CACNA1C: variants seen among roughly 807,000 people sequenced by gnomAD.
CACNA1C encodes the protein calcium voltage-gated channel subunit alpha1 C.
Under a neutral mutation model 229.0 loss-of-function variants are expected in CACNA1C, and 30 were observed. The ratio of observed to expected loss-of-function variants is 0.13; its 90% confidence interval spans 0.10 to 0.18. CACNA1C has a LOEUF of 0.18. Ranked by LOEUF, CACNA1C falls within the 10% of genes least tolerant of loss-of-function variation. The probability of loss-of-function intolerance (pLI) is 1.00; values close to 1 mark genes in which losing one functional copy is unlikely to be tolerated. For synonymous variants in CACNA1C, 1,114 were observed against 1,132.5 expected (o/e 0.98, Z 0.33); for missense variants, 1,658 against 2,845.0 (o/e 0.58, Z 9.49).
intron 1 of CACNA1C, among the ~76,000 whole-genome samples, chr12:2,068,028 C>T (rs2060017306): frequency 6.6e-6 from 1 of 152,178 alleles, no homozygotes; most frequent in Non-Finnish European, 1.5e-5. Flanking sequence ...TCTTCATCCT[C>T]TCCCCTGTTG....
At chr12:2,641,758 A>C (rs1568998030) in intron 30 of CACNA1C, 2 of 702,452 alleles carry the variant, frequency 2.8e-6, no homozygotes, top group Admixed American at 4.0e-5. Flanking sequence ...ATTGTATCTC[A>C]GGTGAGCCTT....
rs1565501985 is a variant in CACNA1C at position 2,071,167 on chromosome 12, TCCC to T, written c.49+17557_49+17559del. On this transcript the variant is annotated intron_variant, in intron 1 of 46. Transcript: ENST00000399655. Reference sequence around the variant, plus strand: ...CTCCCTCCCTCCCTCCCTCCCTCCCTCCCTCCCTGCCTGCCTGCCTGCCTGCCT... The same window carrying T: ...CTCCCTCCCTCCCTCCCTCCCTCCCTTCCCTGCCTGCCTGCCTGCCTGCCT... Among the ~76,000 whole-genome samples, 23 of 70,316 alleles carry T rather than the reference TCCC, an allele frequency of 3.3e-4. 3 individuals are homozygous for T. Among genetic ancestry groups the T allele is most frequent in the African/African-American group, 1.1e-3 (18 of 16,328 alleles). The allele number at this position is 70,316 out of a possible 152,430, so 46.1% of individuals were successfully genotyped here.
intron 7 of CACNA1C, among the ~76,000 whole-genome samples, chr12:2,495,588 CG>C (rs1280706806): frequency 6.6e-6 from 1 of 152,218 alleles, no homozygotes; most frequent in Non-Finnish European, 1.5e-5. Context: ...TAATGACAGC[CG>C]GGGCGGGGAG....
intron 3 of CACNA1C, among the ~76,000 whole-genome samples, chr12:2,256,003 C>CCTGACCTGACTAGTTTACAATCACACGAT (rs2077437978): frequency 2.0e-3 from 5 of 2,542 alleles, no homozygotes; most frequent in Admixed American, 3.0e-3. Context: ...AATCACACGA[C>CCTGACCTGACTAGTTTACAATCACACGAT]CCTGACCTGA....
At position 2,181,861 on chromosome 12, in the gene CACNA1C, G is replaced by C. The variant is rs543680709; in HGVS notation, c.477+61431G>C. Among the ~76,000 whole-genome samples, 14 of 152,264 alleles carry C rather than the reference G, an allele frequency of 9.2e-5. No individual in the cohort carries two copies. The South Asian group carries it at 2.9e-3, about 32-fold the overall frequency. ...ACTCTGTCTCTGGCCCAGAGGAACA[G>C]CTGGAGGATGCAGGCAAGATGTGTG... On this transcript the variant is annotated intron_variant, in intron 3 of 46. Transcript: ENST00000399655. This position sits in a 1 kb window ranked among gnomAD's most constrained non-coding sequence, Gnocchi z 4.0.
chr12:2,190,565 A>G (rs999964286), intron 3 of CACNA1C, among the ~76,000 whole-genome samples: 3 of 152,294 alleles, frequency 2.0e-5, no homozygotes, highest in East Asian at 3.9e-4. Context: ...CTAGGTGCAA[A>G]GGACGTAGAA....
chr12:2,427,276 T>C (rs1182067777), intron 3 of CACNA1C, among the ~76,000 whole-genome samples: 2 of 152,146 alleles, frequency 1.3e-5, no homozygotes, highest in East Asian at 3.9e-4. Flanking sequence ...ATGGGGATGG[T>C]AGTGGGGTTT....
chr12:2,130,172 C>T (rs1228459111), intron 3 of CACNA1C, among the ~76,000 whole-genome samples: 2 of 143,944 alleles, frequency 1.4e-5, no homozygotes, highest in African/African-American at 2.6e-5. Flanking sequence ...TTAGTCCCCT[C>T]GACTACCCCA....
chr12:2,297,434 T>C (rs1487381422), intron 3 of CACNA1C, among the ~76,000 whole-genome samples: 1 of 152,240 alleles, frequency 6.6e-6, no homozygotes, highest in Non-Finnish European at 1.5e-5. Flanking sequence ...TCACTAGTGC[T>C]GTTATTATGG....
chr12:2,162,302 C>G (rs577596246), intron 3 of CACNA1C, among the ~76,000 whole-genome samples: 2 of 151,858 alleles, frequency 1.3e-5, no homozygotes, highest in Admixed American at 6.6e-5. Flanking sequence ...GAACCTAAAC[C>G]GCTCTGAGGA....
intron 1 of CACNA1C, among the ~76,000 whole-genome samples, chr12:2,069,367 C>T (rs1565489607): frequency 6.6e-6 from 1 of 152,182 alleles, no homozygotes; most frequent in African/African-American, 2.4e-5. Context: ...AAAGATTCCT[C>T]TAACACTTGG....
At chr12:2,418,580 A>G (rs1483598301) in intron 3 of CACNA1C, among the ~76,000 whole-genome samples, 1 of 151,660 alleles carries the variant, frequency 6.6e-6, no homozygotes, top group African/African-American at 2.4e-5. Flanking sequence ...AGAGGAGGAA[A>G]AGGCTCTTGT....
rs142326473 is a variant in CACNA1C, at chr12:2,236,319, A to T, written c.477+115889A>T. On this transcript the variant is annotated intron_variant, in intron 3 of 46. Transcript: ENST00000399655. ...AGTGTGACTGATTGCTGGTCCACAC[A>T]TTGAGCAGCAGTGCTGTAGTAGACT... Among the ~76,000 whole-genome samples the T allele has an allele frequency of 3.4e-3, 521 of 152,296 alleles. 1 individual carries two copies. Among genetic ancestry groups the T allele is most frequent in the African/African-American group, 0.012 (481 of 41,562 alleles).
At chr12:2,106,186 C>G (rs1291491256) in intron 1 of CACNA1C, among the ~76,000 whole-genome samples, 1 of 51,546 alleles carries the variant, frequency 1.9e-5, no homozygotes, top group African/African-American at 6.2e-5. Flanking sequence ...GTTTCCACCT[C>G]AGCTGGGCGT....
At position 2,633,812 on chromosome 12, in the gene CACNA1C, G is replaced by GT. The variant is rs111913213; in HGVS notation, c.3829-477dup. The GT allele has an allele frequency of 1.6e-3, 1,157 of 712,464 alleles. 11 individuals are homozygous for GT. The highest frequency in any genetic ancestry group is 9.5e-4 in the Non-Finnish European group (393 of 414,080). 44.1% of individuals were successfully genotyped at this position (712,464 alleles called of 1,614,324 possible). A position where few individuals can be genotyped will look rare whatever the true frequency, so the allele number is the denominator to read the frequency against. On this transcript the variant is annotated intron_variant, in intron 29 of 46. Transcript: ENST00000399655. The surrounding 1 kb of genome is among the most constrained non-coding windows in gnomAD (Gnocchi z 5.8). Reference sequence around the variant, plus strand: ...ACTCTCTCTGTTTACCTTCTTTTATGTTTTTTTTAATTTCCTGTTTTTACC... The same window carrying GT: ...ACTCTCTCTGTTTACCTTCTTTTATGTTTTTTTTTAATTTCCTGTTTTTACC...
intron 4 of CACNA1C, among the ~76,000 whole-genome samples, chr12:2,453,023 T>C (rs988243134): frequency 2.0e-5 from 3 of 152,170 alleles, no homozygotes; most frequent in African/African-American, 7.2e-5. Flanking sequence ...AGCCATCAAG[T>C]TGCCAGGCTG....
rs560318715 is a variant in CACNA1C, at chr12:2,127,277, A to G, written c.477+6847A>G. The stretch of plus-strand genomic sequence containing the variant: ...AAGTTCTGAGATGCGTCTGAGCCCT[A>G]TCGCCCCCCGTGCTTTGAGAAGTGA... On this transcript the variant is annotated intron_variant, in intron 3 of 46. Coordinates refer to ENST00000399655, the MANE Select transcript of CACNA1C (RefSeq NM_000719.7). Among the ~76,000 whole-genome samples, 36 of 152,178 alleles carry G rather than the reference A, an allele frequency of 2.4e-4. 1 individual carries two copies. The highest frequency in any genetic ancestry group is 6.8e-3 in the Middle Eastern group (2 of 294).
intron 3 of CACNA1C, among the ~76,000 whole-genome samples, chr12:2,398,343 A>G (rs1487049188): frequency 1.3e-5 from 2 of 152,340 alleles, no homozygotes; most frequent in East Asian, 3.9e-4. Flanking sequence ...TAAAAGCAAG[A>G]TGTGTTTTTT....
At chr12:2,412,667 C>A (rs1338497261) in intron 3 of CACNA1C, among the ~76,000 whole-genome samples, 1 of 151,920 alleles carries the variant, frequency 6.6e-6, no homozygotes, top group East Asian at 1.9e-4. Flanking sequence ...TTTTTTTGAA[C>A]CAGAGAATAA....
Sources: allele counts gnomAD v4.1 joint callset (sites outside exome capture counted in the v4.1 genomes callset), GRCh38; gene constraint gnomAD v4.1.1; non-coding constraint Gnocchi (gnomAD v3.1); transcripts MANE v1.5; gene names NCBI Gene and HGNC (gene_info 2026-07-23, HGNC 2026-07-21).